Variants in KCNH1 observed in about 807,000 individuals in gnomAD.
The protein encoded by KCNH1 is voltage-gated delayed rectifier potassium channel KCNH1.
A neutral mutation model predicts 69.2 loss-of-function variants in KCNH1; 27 were observed. The ratio of observed to expected loss-of-function variants is 0.39; its 90% confidence interval spans 0.29 to 0.54. KCNH1 has a LOEUF of 0.54. Among genes scored for constraint, KCNH1 ranks in the 20% least tolerant of loss-of-function variants. KCNH1 has a pLI of 0.68. For synonymous variants in KCNH1, 456 were observed against 487.7 expected, an observed-to-expected ratio of 0.93 and a Z score of 0.86; for missense variants, 798 against 1,261.6, an observed-to-expected ratio of 0.63 and a Z score of 5.57.
intron 6 of KCNH1, among the ~76,000 whole-genome samples, chr1:211,000,628 A>C (rs145184581): frequency 0.24 from 36,473 of 152,086 alleles, 5,935 homozygotes; most frequent in African/African-American, 0.45. Flanking sequence ...CATCAAGCTA[A>C]CAATGACTTT....
At chr1:210,731,253 T>G (rs1682741245) in intron 10 of KCNH1, among the ~76,000 whole-genome samples, 1 of 152,220 alleles carries the variant, frequency 6.6e-6, no homozygotes, top group South Asian at 2.1e-4. Context: ...TCGCTTTACA[T>G]CTTATAAAAG....
intron 10 of KCNH1, among the ~76,000 whole-genome samples, chr1:210,712,629 C>A (rs1304348185): frequency 6.6e-6 from 1 of 152,162 alleles, no homozygotes; most frequent in Non-Finnish European, 1.5e-5. Context: ...AAAAACAATG[C>A]TGTAGAAAGC....
chr1:210,801,377 C>T (rs1684422091), intron 8 of KCNH1, among the ~76,000 whole-genome samples: 1 of 152,198 alleles, frequency 6.6e-6, no homozygotes, highest in Non-Finnish European at 1.5e-5. Flanking sequence ...GACTGGTTCT[C>T]TCCCCAGCAG....
At chr1:210,986,069 G>C (rs936662317) in intron 6 of KCNH1, among the ~76,000 whole-genome samples, 7 of 152,010 alleles carry the variant, frequency 4.6e-5, no homozygotes, top group South Asian at 2.1e-4. Flanking sequence ...ATGTTTGTTG[G>C]TTTAAAGTCT....
intron 10 of KCNH1, among the ~76,000 whole-genome samples, chr1:210,750,884 T>A (rs1208700372): frequency 1.3e-5 from 2 of 151,982 alleles, no homozygotes; most frequent in Admixed American, 6.6e-5. Flanking sequence ...ATGTTCTCAT[T>A]TTACAATGAA....
intron 2 of KCNH1, 40 bp from the exon 3 acceptor site, chr1:211,103,642 T>C: frequency 1.6e-6 from 2 of 1,278,538 alleles, no homozygotes; most frequent in South Asian, 1.2e-5. Context: ...TTAAGAAGTA[T>C]TCATTATTCT....
intron 10 of KCNH1, among the ~76,000 whole-genome samples, chr1:210,729,986 AAG>A (rs1169404055): frequency 2.0e-5 from 3 of 152,144 alleles, no homozygotes; most frequent in Admixed American, 2.0e-4. Context: ...GAGGTCGGTC[AAG>A]AGAGTCCCCC....
chr1:211,070,030 A>C (rs1436905930), intron 5 of KCNH1, among the ~76,000 whole-genome samples: 5 of 152,212 alleles, frequency 3.3e-5, no homozygotes, highest in Non-Finnish European at 7.3e-5. Flanking sequence ...ACAAGAACAA[A>C]AGAAATATTC....
At chr1:210,943,637 C>G (rs1354931337) in intron 6 of KCNH1, among the ~76,000 whole-genome samples, 27 of 152,146 alleles carry the variant, frequency 1.8e-4, no homozygotes, top group Admixed American at 1.8e-3. Context: ...CAGGTGTGAG[C>G]CACCATGCCT....
chr1:211,113,161 C>T (rs1691504683), intron 1 of KCNH1, among the ~76,000 whole-genome samples: 1 of 152,112 alleles, frequency 6.6e-6, no homozygotes, highest in African/African-American at 2.4e-5. Context: ...GGGATTTCAT[C>T]ATTTTACTCA....
At chr1:210,747,931 T>C (rs551190780) in intron 10 of KCNH1, among the ~76,000 whole-genome samples, 1 of 152,244 alleles carries the variant, frequency 6.6e-6, no homozygotes, top group East Asian at 1.9e-4. Context: ...TGAGATCCTT[T>C]GACAGGGAAC....
At chr1:210,740,704 A>ATATT (rs1491374060) in intron 10 of KCNH1, among the ~76,000 whole-genome samples, 8 of 117,264 alleles carry the variant, frequency 6.8e-5, no homozygotes, top group African/African-American at 2.7e-4. Flanking sequence ...TTATGATTAA[A>ATATT]TTTTTTTTTT....
At position 210,744,569 on chromosome 1, in the gene KCNH1, G is replaced by A. The variant is rs142214471; in HGVS notation, c.2112+30779C>T. ...TGAGGCAGGAGAATCACTTGAACCC[G>A]GGAGGCGGAGGTTGCAGTGAGCCAA... On this transcript the variant is annotated intron_variant, in intron 10 of 10. Coordinates refer to ENST00000271751, the MANE Select transcript of KCNH1 (RefSeq NM_172362.3). 4.6e-3 allele frequency among the ~76,000 whole-genome samples: 702 copies of A among 152,164 alleles called. 3 individuals carry two copies. The highest frequency in any genetic ancestry group is 0.01 in the Middle Eastern group (3 of 294).
At chr1:210,822,871 C>T (rs1434012373) in intron 7 of KCNH1, among the ~76,000 whole-genome samples, 3 of 152,154 alleles carry the variant, frequency 2.0e-5, no homozygotes, top group Non-Finnish European at 2.9e-5. Flanking sequence ...TCACACACTA[C>T]CTGAAATGTA....
chr1:211,115,659 T>C (rs1691560144), intron 1 of KCNH1, among the ~76,000 whole-genome samples: 1 of 148,698 alleles, frequency 6.7e-6, no homozygotes, highest in Non-Finnish European at 1.5e-5. Flanking sequence ...CAGGCTATTG[T>C]GGGTCCTTGT....
At chr1:210,972,774 A>G (rs17017087) in intron 6 of KCNH1, among the ~76,000 whole-genome samples, 25,211 of 151,930 alleles carry the variant, frequency 0.17, 2,692 homozygotes, top group African/African-American at 0.29. Flanking sequence ...CAGCAGTAAT[A>G]AATCTAGATG....
intron 7 of KCNH1, among the ~76,000 whole-genome samples, chr1:210,915,967 G>A (rs1687325007): frequency 6.6e-6 from 1 of 152,068 alleles, no homozygotes; most frequent in Non-Finnish European, 1.5e-5. Context: ...AAAACCCACT[G>A]GCTTTTTGTC....
chr1:210,885,640 C>G (rs1229524272), intron 7 of KCNH1, among the ~76,000 whole-genome samples: 1 of 152,174 alleles, frequency 6.6e-6, no homozygotes, highest in Non-Finnish European at 1.5e-5. Context: ...CTAAGATCCA[C>G]TGGCTTGAAA....
rs1691926576 is a variant in KCNH1, at chr1:211,133,958, T to C, written c.-13A>G. 2 of 1,605,632 alleles carry C rather than the reference T, an allele frequency of 1.2e-6. No individual in the cohort carries two copies. Among genetic ancestry groups the C allele is most frequent in the African/African-American group, 2.7e-5 (2 of 74,232 alleles). ...CAGCCATGGTCATCCTCCCAGCAGC[T>C]CGGGGTCCGGCGGGCGTCCTGGCGC... On this transcript the variant is annotated 5_prime_UTR_variant, in exon 1 of 11. Transcript: ENST00000271751. The surrounding 1 kb of genome is among the most constrained non-coding windows in gnomAD (Gnocchi z 5.4).
Sources: allele counts gnomAD v4.1 joint callset (sites outside exome capture counted in the v4.1 genomes callset), GRCh38; gene constraint gnomAD v4.1.1; non-coding constraint Gnocchi (gnomAD v3.1); transcripts MANE v1.5; gene names NCBI Gene and HGNC (gene_info 2026-07-23, HGNC 2026-07-21).